The following TENM3 variants were observed in gnomAD, a reference collection of about 807,000 sequenced individuals.
The protein encoded by TENM3 is teneurin-3.
In TENM3, 63 loss-of-function variants were observed where a neutral mutation model predicts 255.1. The ratio of observed to expected loss-of-function variants is 0.25; its 90% CI spans 0.20 to 0.30. TENM3 has a LOEUF of 0.30. TENM3 is among the 10% of genes least tolerant of loss of function. The pLI, the probability that TENM3 is intolerant of heterozygous loss-of-function variation, is 1.00. For synonymous variants in TENM3, 1,306 were observed against 1,322.3 expected (o/e 0.99, Z 0.27); for missense variants, 2,929 against 3,461.1 (o/e 0.85, Z 3.86).
chr4:182,744,141 A>AGAAATAAAGATTTTAGGTG, intron 19 of TENM3: 1 of 902,808 alleles, frequency 1.1e-6, no homozygotes, highest in South Asian at 3.7e-5. Context: ...GCTTCCACCA[A>AGAAATAAAGATTTTAGGTG]GAAATAAAGA....
chr4:182,127,520 CT>C, the TENM3 span, among the ~76,000 whole-genome samples: 1 of 152,180 alleles, frequency 6.6e-6, no homozygotes, highest in Non-Finnish European at 1.5e-5. Flanking sequence ...GATGCATGTT[CT>C]TTAAGGGAAC....
the TENM3 span, among the ~76,000 whole-genome samples, chr4:181,613,327 A>C: frequency 1.3e-5 from 2 of 152,216 alleles, no homozygotes; most frequent in African/African-American, 4.8e-5. Flanking sequence ...AACTAAACCC[A>C]CACTAGCAAA....
the TENM3 span, among the ~76,000 whole-genome samples, chr4:181,767,208 T>G: frequency 1.3e-4 from 17 of 133,448 alleles, no homozygotes; most frequent in Non-Finnish European, 2.2e-4. Flanking sequence ...GCCGAGAAGG[T>G]GCCACTGCGC....
At chr4:182,225,811 G>C (rs547003813) in intron 1 of TENM3, among the ~76,000 whole-genome samples, 1 of 152,182 alleles carries the variant, frequency 6.6e-6, no homozygotes, top group African/African-American at 2.4e-5. Flanking sequence ...TGACAAAGCA[G>C]TGGGCCATGC....
intron 3 of TENM3, among the ~76,000 whole-genome samples, chr4:182,486,318 G>GT (rs1734713514): frequency 6.9e-6 from 1 of 145,162 alleles, no homozygotes; most frequent in South Asian, 2.3e-4. Context: ...TTGTGTGTGG[G>GT]GGGGAGGGTG....
At chr4:181,776,186 G>A in the TENM3 span, among the ~76,000 whole-genome samples, 1 of 152,022 alleles carries the variant, frequency 6.6e-6, no homozygotes, top group Non-Finnish European at 1.5e-5. Context: ...TTCTGTTTCT[G>A]GTTCTGGCCT....
chr4:181,979,868 T>C, the TENM3 span, among the ~76,000 whole-genome samples: 1 of 152,174 alleles, frequency 6.6e-6, no homozygotes, highest in African/African-American at 2.4e-5. Context: ...TTTGTTTGTT[T>C]GTTCGTTTTA....
At chr4:182,110,004 C>T in the TENM3 span, among the ~76,000 whole-genome samples, 4 of 150,880 alleles carry the variant, frequency 2.7e-5, 1 homozygote, top group Non-Finnish European at 4.4e-5. Context: ...TGAAATTTTA[C>T]GTGGGAGGCT....
chr4:181,723,333 T>G, the TENM3 span, among the ~76,000 whole-genome samples: 1 of 151,314 alleles, frequency 6.6e-6, no homozygotes, highest in Non-Finnish European at 1.5e-5. Flanking sequence ...CTTTGATTCT[T>G]GATGGCTTTC....
the TENM3 span, among the ~76,000 whole-genome samples, chr4:182,074,163 C>G: frequency 6.6e-6 from 1 of 152,236 alleles, no homozygotes; most frequent in East Asian, 1.9e-4. Context: ...AATCATTTTC[C>G]TCGAAACATA....
intron 12 of TENM3, among the ~76,000 whole-genome samples, chr4:182,699,512 AATT>A: frequency 6.6e-6 from 1 of 152,284 alleles, no homozygotes; most frequent in East Asian, 1.9e-4. Context: ...TATAAATTAT[AATT>A]ATTATCTCAA....
intron 3 of TENM3, among the ~76,000 whole-genome samples, chr4:182,546,438 TTTG>T (rs957767910): frequency 6.9e-4 from 105 of 151,968 alleles, no homozygotes; most frequent in Middle Eastern, 3.4e-3. Context: ...ACCATTTTTT[TTTG>T]TTGTTTGTTT....
At chr4:182,051,690 A>T in the TENM3 span, among the ~76,000 whole-genome samples, 1 of 152,112 alleles carries the variant, frequency 6.6e-6, no homozygotes. Context: ...TAATTTATTC[A>T]CTTAACAAAT....
chr4:181,651,881 G>A, the TENM3 span, among the ~76,000 whole-genome samples: 18 of 152,128 alleles, frequency 1.2e-4, no homozygotes, highest in Non-Finnish European at 2.2e-4. Context: ...GCACTTCAAT[G>A]GACAAAAATT....
intron 12 of TENM3, among the ~76,000 whole-genome samples, chr4:182,710,847 G>T (rs569016307): frequency 2.0e-5 from 3 of 152,322 alleles, no homozygotes; most frequent in African/African-American, 7.2e-5. Flanking sequence ...ATTTCCAGGG[G>T]AAAGGCATAG....
the TENM3 span, among the ~76,000 whole-genome samples, chr4:181,536,265 T>A: frequency 6.6e-6 from 1 of 152,184 alleles, no homozygotes; most frequent in Non-Finnish European, 1.5e-5. Context: ...AATGGCCTCT[T>A]CACTTTGTGT....
chr4:181,613,345 T>C, the TENM3 span, among the ~76,000 whole-genome samples: 3 of 152,164 alleles, frequency 2.0e-5, no homozygotes, highest in Non-Finnish European at 2.9e-5. Context: ...AAAGCCCAGC[T>C]GGTGGGAGCA....
chr4:182,354,222 C>T (rs908344799), intron 3 of TENM3, among the ~76,000 whole-genome samples: 3 of 152,236 alleles, frequency 2.0e-5, no homozygotes, highest in Middle Eastern at 3.4e-3. Flanking sequence ...AGAATATATG[C>T]CATCTCTGTT....
chr4:182,000,838 C>T, the TENM3 span, among the ~76,000 whole-genome samples: 1 of 149,870 alleles, frequency 6.7e-6, no homozygotes, highest in Admixed American at 6.6e-5. Context: ...AGAAAGAAGA[C>T]TATTATCTTA....
Sources: gnomAD v4.1 joint callset for allele counts (sites outside exome capture counted in the v4.1 genomes callset) on GRCh38, gnomAD v4.1.1 for gene constraint, MANE v1.5 for transcripts, NCBI Gene and HGNC (gene_info 2026-07-23, HGNC 2026-07-21) for gene names.